Variants in DMBX1 observed in about 807,000 individuals in gnomAD.
DMBX1 encodes the protein diencephalon/mesencephalon homeobox 1.
In DMBX1, 7 loss-of-function variants were observed where a neutral mutation model predicts 30.4. The observed-to-expected ratio is 0.23, with a 90% CI of 0.13 to 0.43. DMBX1 has a LOEUF of 0.43. DMBX1 is among the 20% of genes least tolerant of loss of function. The pLI is 1.00. For synonymous variants in DMBX1, 222 were observed against 214.2 expected (o/e 1.04, Z -0.32); for missense variants, 460 against 508.5 (o/e 0.90, Z 0.92).
chr1:46,492,813 C>T (rs1470895231), intron 2 of DMBX1, among the ~76,000 whole-genome samples: 1 of 152,148 alleles, frequency 6.6e-6, no homozygotes, highest in African/African-American at 2.4e-5. Flanking sequence ...CGTAAAACCC[C>T]TCTGATAGAC....
rs376536709 is a variant in DMBX1 at position 46,511,827 on chromosome 1, A to G, written c.683-216A>G. ...AAGAGACAGACGTGGGGGCCTTGGC[A>G]GGGTCCCTGGAGCTTTCCCAAGAAG... On this transcript the variant is annotated intron_variant, in intron 5 of 5. Coordinates refer to ENST00000360032, the MANE Select transcript of DMBX1 (RefSeq NM_172225.2). Among the ~76,000 whole-genome samples the G allele has an allele frequency of 4.9e-4, 75 of 152,274 alleles. No homozygotes were observed. In the East Asian group the frequency reaches 5.6e-3, roughly 11 times the overall value.
chr1:46,500,745 C>G (rs1262309226), intron 2 of DMBX1, among the ~76,000 whole-genome samples: 1 of 152,172 alleles, frequency 6.6e-6, no homozygotes, highest in Non-Finnish European at 1.5e-5. Context: ...ATTTCCCCCA[C>G]TCAACAGTAT....
At chr1:46,502,295 A>G (rs1666151224) in intron 2 of DMBX1, among the ~76,000 whole-genome samples, 1 of 151,758 alleles carries the variant, frequency 6.6e-6, no homozygotes, top group Non-Finnish European at 1.5e-5. Context: ...CTCCAACTCA[A>G]TGCTCTTCAT....
chr1:46,496,437 G>A (rs1321399075), intron 2 of DMBX1, among the ~76,000 whole-genome samples: 1 of 152,172 alleles, frequency 6.6e-6, no homozygotes, highest in Non-Finnish European at 1.5e-5. Context: ...CCAGCCAAAG[G>A]GACTCACCTT....
Position 46,510,672 on chromosome 1 carries a change from T to C in DMBX1, c.333+18T>C. On this transcript the variant is annotated intron_variant, in intron 4 of 5. Coordinates refer to ENST00000360032, the MANE Select transcript of DMBX1 (RefSeq NM_172225.2). This position sits in a 1 kb window ranked among gnomAD's most constrained non-coding sequence, Gnocchi z 4.1. ...GGGTGCAGGTAGGGCCCAACTCTCCTAACTAGGCCTTGCAGACAAACACCA... is the reference window on the plus strand; with the variant it reads ...GGGTGCAGGTAGGGCCCAACTCTCCCAACTAGGCCTTGCAGACAAACACCA... The C allele has an allele frequency of 6.2e-7, 1 of 1,607,762 alleles. No homozygotes were observed. The highest frequency in any genetic ancestry group is 8.5e-7 in the Non-Finnish European group (1 of 1,176,568).
At chr1:46,490,310 T>C (rs566007895) in intron 1 of DMBX1, among the ~76,000 whole-genome samples, 4 of 152,118 alleles carry the variant, frequency 2.6e-5, no homozygotes, top group Admixed American at 6.5e-5. Context: ...CGGAGAACGC[T>C]TCGGATCCGT....
chr1:46,491,153 C>T lies in DMBX1; in HGVS notation c.-13+370C>T, dbSNP rs900496207. 6.6e-6 allele frequency among the ~76,000 whole-genome samples: 1 copy of T among 152,224 alleles called. No homozygotes were observed. Among genetic ancestry groups the T allele is most frequent in the South Asian group, 2.1e-4 (1 of 4,834 alleles). On this transcript the variant is annotated intron_variant, in intron 2 of 5. Coordinates refer to ENST00000360032, the MANE Select transcript of DMBX1 (RefSeq NM_172225.2). The surrounding 1 kb of genome is among the most constrained non-coding windows in gnomAD (Gnocchi z 5.5). ...ACTTAAGGAGCTTGAGGGAAACCTC[C>T]TCTTCCCCAAATTCGCACCAAATCT...
intron 2 of DMBX1, among the ~76,000 whole-genome samples, chr1:46,504,146 T>A (rs1276194195): frequency 6.6e-6 from 1 of 151,992 alleles, no homozygotes; most frequent in Non-Finnish European, 1.5e-5. Flanking sequence ...TGCAAAAATT[T>A]TCTCCCATTT....
At chr1:46,506,086 C>T (rs1352489211) in intron 2 of DMBX1, among the ~76,000 whole-genome samples, 1 of 152,122 alleles carries the variant, frequency 6.6e-6, no homozygotes, top group Non-Finnish European at 1.5e-5. Context: ...GAGACAGGGT[C>T]TCGCTCTGTC....
At position 46,493,095 on chromosome 1, in the gene DMBX1, GC is replaced by G. The variant is rs1385210972; in HGVS notation, c.-13+2318del. Among the ~76,000 whole-genome samples the G allele has an allele frequency of 6.6e-6, 1 of 151,178 alleles. No homozygotes were observed. ...TCCCCCACCCCTGCCTTCCCATTTC[GC>G]CCCCCACCCCACCCCTTTCTCACAG... On this transcript the variant is annotated intron_variant, in intron 2 of 5. Transcript: ENST00000360032. This position sits in a 1 kb window ranked among gnomAD's most constrained non-coding sequence, Gnocchi z 4.1.
At chr1:46,490,587 C>G (rs554134022) in intron 1 of DMBX1, among the ~76,000 whole-genome samples, 57 bp from the exon 2 acceptor site, 1 of 152,242 alleles carries the variant, frequency 6.6e-6, no homozygotes, top group Non-Finnish European at 1.5e-5. Context: ...CTGGTCCACG[C>G]GAACCCCGCA....
In DMBX1 at chr1:46,512,568, C is replaced by T. The variant is rs577642544; in HGVS notation, c.*74C>T. 3.7e-4 allele frequency: 545 copies of T among 1,491,786 alleles called. No individual in the cohort carries two copies. The highest frequency in any genetic ancestry group is 1.5e-3 in the Middle Eastern group (8 of 5,474). 92.4% of individuals were successfully genotyped at this position (1,491,786 alleles called of 1,614,324 possible). Reference sequence around the variant, plus strand: ...CCTGTGGTTATCCCTAGGTGGCTCTCGAGGAGTTAACTCCATGAGCCCAGG... The same window carrying T: ...CCTGTGGTTATCCCTAGGTGGCTCTTGAGGAGTTAACTCCATGAGCCCAGG... On this transcript the variant is annotated 3_prime_UTR_variant, in exon 6 of 6. Coordinates refer to ENST00000360032, the MANE Select transcript of DMBX1 (RefSeq NM_172225.2). This position sits in a 1 kb window ranked among gnomAD's most constrained non-coding sequence, Gnocchi z 4.8.
chr1:46,496,134 A>C (rs1666020584), intron 2 of DMBX1, among the ~76,000 whole-genome samples: 1 of 152,082 alleles, frequency 6.6e-6, no homozygotes, highest in African/African-American at 2.4e-5. Context: ...TACTGACAGG[A>C]GATTTGGGGA....
intron 2 of DMBX1, among the ~76,000 whole-genome samples, chr1:46,500,170 C>T (rs1054547693): frequency 2.6e-5 from 4 of 151,780 alleles, no homozygotes; most frequent in Non-Finnish European, 5.9e-5. Flanking sequence ...GTGCTTGGTG[C>T]TGGGGAGGGG....
In DMBX1 at chr1:46,491,857, C is replaced by CAAA; in HGVS notation, c.-13+1075_-13+1077dup. On this transcript the variant is annotated intron_variant, in intron 2 of 5. Transcript: ENST00000360032. The surrounding 1 kb of genome is among the most constrained non-coding windows in gnomAD (Gnocchi z 5.5). ...ATTTAGTTCCTACCTCCCCTTTCTG[C>CAAA]AAACCAGCTGTGTTTATGTGTGTCT... Among the ~76,000 whole-genome samples the CAAA allele has an allele frequency of 6.6e-6, 1 of 152,310 alleles. No individual in the cohort carries two copies. Among genetic ancestry groups the CAAA allele is most frequent in the African/African-American group, 2.4e-5 (1 of 41,566 alleles).
chr1:46,494,322 A>G (rs558041699), intron 2 of DMBX1, among the ~76,000 whole-genome samples: 42 of 152,172 alleles, frequency 2.8e-4, no homozygotes, highest in Non-Finnish European at 5.6e-4. Flanking sequence ...AGAACAAAAA[A>G]TTAACTCCAG....
At chr1:46,499,991 G>A (rs1666093276) in intron 2 of DMBX1, among the ~76,000 whole-genome samples, 2 of 152,220 alleles carry the variant, frequency 1.3e-5, no homozygotes, top group African/African-American at 4.8e-5. Context: ...TGCCTTGTCA[G>A]AGGCGACTTG....
intron 2 of DMBX1, among the ~76,000 whole-genome samples, chr1:46,497,451 C>G (rs1196859257): frequency 6.6e-6 from 1 of 152,128 alleles, no homozygotes; most frequent in Non-Finnish European, 1.5e-5. Context: ...TTCCTTTCCT[C>G]TAAGTAAAGT....
In DMBX1 at chr1:46,515,735, A is replaced by AG. The variant is rs1470442807; in HGVS notation, c.*3243dup. ...TTCCCTTCTTGTGGGCAGAGGGTACAGGCCCACCACACCTGATGCTGGAGC... is the reference window on the plus strand; with the variant it reads ...TTCCCTTCTTGTGGGCAGAGGGTACAGGGCCCACCACACCTGATGCTGGAGC... On this transcript the variant is annotated 3_prime_UTR_variant, in exon 6 of 6. Coordinates refer to ENST00000360032, the MANE Select transcript of DMBX1 (RefSeq NM_172225.2). Among the ~76,000 whole-genome samples, 2 of 152,224 alleles carry AG rather than the reference A, an allele frequency of 1.3e-5. No homozygotes were observed. Among genetic ancestry groups the AG allele is most frequent in the African/African-American group, 4.8e-5 (2 of 41,466 alleles).
Sources: gnomAD v4.1 joint callset for allele counts (sites outside exome capture counted in the v4.1 genomes callset) on GRCh38, gnomAD v4.1.1 for gene constraint, Gnocchi (gnomAD v3.1) non-coding constraint, MANE v1.5 for transcripts, NCBI Gene and HGNC (gene_info 2026-07-23, HGNC 2026-07-21) for gene names.